DCDC2C: variants seen among roughly 807,000 people sequenced by gnomAD.
The protein encoded by DCDC2C is doublecortin domain containing 2C, also known as doublecortin domain-containing protein 2C.
A neutral mutation model predicts 45.0 loss-of-function variants in DCDC2C; 44 were observed. That is an observed-to-expected ratio of 0.98 (90% CI 0.77 to 1.26). The LOEUF (loss-of-function observed/expected upper bound fraction) is 1.26. Among genes scored for constraint, DCDC2C ranks in the 50% most tolerant of loss-of-function variants. The pLI is 0.00. For missense variants in DCDC2C, 447 were observed against 468.9 expected, an observed-to-expected ratio of 0.95 and a Z score of 0.43; for synonymous variants, 187 against 178.8, an observed-to-expected ratio of 1.05 and a Z score of -0.37.
At chr2:3,710,997 A>C (rs563079020) in intron 2 of DCDC2C, among the ~76,000 whole-genome samples, 2 of 152,330 alleles carry the variant, frequency 1.3e-5, no homozygotes, top group South Asian at 4.1e-4. Context: ...AGAAACCTCC[A>C]ACGGCCCTGC....
chr2:3,839,257 T>A (rs1004143057), intron 10 of DCDC2C, among the ~76,000 whole-genome samples: 2 of 152,192 alleles, frequency 1.3e-5, no homozygotes, highest in African/African-American at 4.8e-5. Context: ...AATACAGAAA[T>A]TAAATGCTAT....
At chr2:3,733,467 G>A (rs1233023545) in intron 3 of DCDC2C, among the ~76,000 whole-genome samples, 2 of 152,200 alleles carry the variant, frequency 1.3e-5, no homozygotes, top group Non-Finnish European at 2.9e-5. Flanking sequence ...TCTTGAAGGA[G>A]TTGTTTCCTT....
chr2:3,723,513 T>C (rs561595146), intron 2 of DCDC2C, among the ~76,000 whole-genome samples: 3 of 152,110 alleles, frequency 2.0e-5, no homozygotes, highest in South Asian at 4.2e-4. Flanking sequence ...GCAGGGAGGC[T>C]GGGAGGGGTG....
intron 1 of DCDC2C, among the ~76,000 whole-genome samples, chr2:3,705,814 C>G (rs1668050195): frequency 6.6e-6 from 1 of 152,154 alleles, no homozygotes; most frequent in African/African-American, 2.4e-5. Context: ...TGTTTTTCTT[C>G]CCAGTGCTCT....
At chr2:3,709,316 C>T (rs1012803630) in intron 2 of DCDC2C, among the ~76,000 whole-genome samples, 3 of 152,290 alleles carry the variant, frequency 2.0e-5, no homozygotes, top group South Asian at 2.1e-4. Flanking sequence ...CTCAGAAGCT[C>T]GTTGTAAGGA....
rs1672364100 is a variant in DCDC2C, at chr2:3,847,585, C to T, written c.*402C>T. On this transcript the variant is annotated 3_prime_UTR_variant, in exon 11 of 11. Coordinates refer to ENST00000399143, the MANE Select transcript of DCDC2C (RefSeq NM_001287444.2). ...CAAAAGCAGGTACTGATAACCTTTG[C>T]TATGTAAAGTTCAAAGTATAAAAAT... Among the ~76,000 whole-genome samples, 2 of 151,996 alleles carry T rather than the reference C, an allele frequency of 1.3e-5. No homozygotes were observed. The highest frequency in any genetic ancestry group is 2.9e-5 in the Non-Finnish European group (2 of 68,010).
At chr2:3,770,670 G>A (rs537330884) in intron 8 of DCDC2C, among the ~76,000 whole-genome samples, 3 of 152,192 alleles carry the variant, frequency 2.0e-5, no homozygotes, top group African/African-American at 7.2e-5. Context: ...CAAATATACC[G>A]TTGTCACTAG....
At chr2:3,804,783 T>C (rs1671192614) in intron 10 of DCDC2C, among the ~76,000 whole-genome samples, 1 of 152,216 alleles carries the variant, frequency 6.6e-6, no homozygotes, top group Non-Finnish European at 1.5e-5. Context: ...AAAGGAAGTC[T>C]TTACAGTGAA....
Position 3,820,516 on chromosome 2 carries a change from C to T in DCDC2C, c.1066-26638C>T, listed in dbSNP as rs560366864. Among the ~76,000 whole-genome samples the T allele has an allele frequency of 2.0e-5, 3 of 152,270 alleles. No homozygotes were observed. The East Asian group carries it at 5.8e-4, about 30-fold the overall frequency. On this transcript the variant is annotated intron_variant, in intron 10 of 10. Coordinates refer to ENST00000399143, the MANE Select transcript of DCDC2C (RefSeq NM_001287444.2). Reference sequence around the variant, plus strand: ...AATGTGGGTGAATGACCAAGGCAGGCAGCCCCGTGGTGATCAGACACCAAT... The same window carrying T: ...AATGTGGGTGAATGACCAAGGCAGGTAGCCCCGTGGTGATCAGACACCAAT...
At chr2:3,810,251 A>G (rs1185982726) in intron 10 of DCDC2C, among the ~76,000 whole-genome samples, 2 of 152,248 alleles carry the variant, frequency 1.3e-5, no homozygotes, top group African/African-American at 4.8e-5. Context: ...CCTCACCAGC[A>G]TCCCTTGTTT....
At chr2:3,725,695 C>CTGGAGGGAGACGAG (rs1668644899) in intron 2 of DCDC2C, among the ~76,000 whole-genome samples, 2 of 150,534 alleles carry the variant, frequency 1.3e-5, no homozygotes, top group Non-Finnish European at 3.0e-5. Flanking sequence ...CAGGTGGATC[C>CTGGAGGGAGACGAG]CAGAGGGAGA....
intron 2 of DCDC2C, among the ~76,000 whole-genome samples, chr2:3,720,413 G>A (rs533074805): frequency 1.0e-3 from 153 of 152,312 alleles, no homozygotes; most frequent in Non-Finnish European, 1.3e-3. Flanking sequence ...GACACCTGCC[G>A]AGGAAGAGGA....
intron 4 of DCDC2C, among the ~76,000 whole-genome samples, chr2:3,747,596 G>A (rs527270839): frequency 3.3e-4 from 50 of 152,346 alleles, no homozygotes; most frequent in African/African-American, 1.2e-3. Context: ...TCGCAGCATA[G>A]GTGCAAGGTG....
chr2:3,766,691 T>C (rs1311104773), intron 6 of DCDC2C, among the ~76,000 whole-genome samples: 1 of 152,210 alleles, frequency 6.6e-6, no homozygotes, highest in Non-Finnish European at 1.5e-5. Flanking sequence ...TAGTTTGACA[T>C]TTCTTAAGTG....
In DCDC2C at chr2:3,752,878, A is replaced by G. The variant is rs1558578423; in HGVS notation, c.661A>G (p.Arg221Gly). The G allele has an allele frequency of 6.4e-7, 1 of 1,550,426 alleles. No individual in the cohort carries two copies. Residue 221 changes from arginine to glycine, a missense_variant, in exon 5 of 11, where the codon AGG becomes GGG. Transcript: ENST00000399143. ...ATATTTTCCTTACTGGAAGTCTCCA[A>G]GGGTGCCCAGTGAGGTCCAACAGTG... ...FKYFPYWKSP[R>G]VPSEVQQRYA...
At chr2:3,704,716 AG>A (rs1558554477) in intron 1 of DCDC2C, among the ~76,000 whole-genome samples, 2 of 3,470 alleles carry the variant, frequency 5.8e-4, no homozygotes, top group Non-Finnish European at 1.1e-3. Flanking sequence ...GGGAGGGGGG[AG>A]GGGCGTGGGG....
intron 9 of DCDC2C, among the ~76,000 whole-genome samples, chr2:3,781,633 G>T (rs762476285): frequency 1.3e-5 from 2 of 152,220 alleles, no homozygotes; most frequent in Non-Finnish European, 2.9e-5. Context: ...GCTAATGCAG[G>T]AGGATTGCTT....
chr2:3,750,801 A>T (rs17017967), intron 4 of DCDC2C, among the ~76,000 whole-genome samples: 2 of 152,020 alleles, frequency 1.3e-5, no homozygotes, highest in Non-Finnish European at 2.9e-5. Context: ...ATTTCTGTAC[A>T]TATTTCCTCC....
chr2:3,772,042 T>C (rs73910362), intron 8 of DCDC2C, among the ~76,000 whole-genome samples: 1 of 152,350 alleles, frequency 6.6e-6, no homozygotes, highest in East Asian at 1.9e-4. Flanking sequence ...CTGTTTCTCA[T>C]TGTGTCTGCA....
Sources: gnomAD v4.1 joint callset for allele counts (sites outside exome capture counted in the v4.1 genomes callset) on GRCh38, gnomAD v4.1.1 for gene constraint, MANE v1.5 for transcripts, NCBI Gene and HGNC (gene_info 2026-07-23, HGNC 2026-07-21) for gene names.